RASAL2: variants seen among roughly 807,000 people sequenced by gnomAD.
The protein encoded by RASAL2 is ras GTPase-activating protein nGAP.
In RASAL2, 58 loss-of-function variants were observed where a neutral mutation model predicts 128.9. The observed-to-expected ratio is 0.45, with a 90% CI of 0.36 to 0.56. The LOEUF (loss-of-function observed/expected upper bound fraction) is 0.56, where lower values mean the gene tolerates loss of function less well. Among genes scored for constraint, RASAL2 ranks in the 20% least tolerant of loss-of-function variants. The pLI, the probability that RASAL2 is intolerant of heterozygous loss-of-function variation, is 0.00. For missense variants in RASAL2, 1,360 were observed against 1,601.6 expected, an observed-to-expected ratio of 0.85 and a Z score of 2.57; for synonymous variants, 561 against 580.8, an observed-to-expected ratio of 0.97 and a Z score of 0.49.
chr1:178,238,159 A>G (rs1664337010), intron 1 of RASAL2, among the ~76,000 whole-genome samples: 1 of 152,218 alleles, frequency 6.6e-6, no homozygotes, highest in Non-Finnish European at 1.5e-5. Context: ...TAGATGCTAT[A>G]TAAATGGAAT....
chr1:178,307,226 C>T (rs1365316728), intron 3 of RASAL2, among the ~76,000 whole-genome samples: 2 of 151,774 alleles, frequency 1.3e-5, no homozygotes, highest in Non-Finnish European at 2.9e-5. Context: ...AAGCAATGTG[C>T]ATTTCTTTCA....
chr1:178,260,415 T>A (rs1665641323), intron 1 of RASAL2, among the ~76,000 whole-genome samples: 1 of 90,936 alleles, frequency 1.1e-5, no homozygotes, highest in Non-Finnish European at 2.2e-5. Flanking sequence ...TATATATATA[T>A]GATAATAATT....
At chr1:178,226,229 A>G (rs1558125227) in intron 1 of RASAL2, among the ~76,000 whole-genome samples, 1 of 152,170 alleles carries the variant, frequency 6.6e-6, no homozygotes, top group Non-Finnish European at 1.5e-5. Flanking sequence ...TCATTCACAC[A>G]TTATAATGTG....
intron 1 of RASAL2, among the ~76,000 whole-genome samples, chr1:178,206,311 A>G (rs893159748): frequency 1.3e-5 from 2 of 152,180 alleles, no homozygotes; most frequent in East Asian, 1.9e-4. Context: ...CTTCCCATCC[A>G]CTACCAGATC....
chr1:178,160,087 A>G (rs931325539), intron 1 of RASAL2, among the ~76,000 whole-genome samples: 2 of 151,436 alleles, frequency 1.3e-5, no homozygotes, highest in Non-Finnish European at 2.9e-5. Context: ...TCTAGGGTAC[A>G]TGTGCACAAC....
chr1:178,408,452 CA>C (rs768253690), intron 4 of RASAL2, among the ~76,000 whole-genome samples: 1 of 152,044 alleles, frequency 6.6e-6, no homozygotes, highest in Non-Finnish European at 1.5e-5. Flanking sequence ...ACCACAGAAT[CA>C]GTTACATATA....
intron 4 of RASAL2, among the ~76,000 whole-genome samples, chr1:178,412,468 C>A (rs963480205): frequency 6.6e-6 from 1 of 152,122 alleles, no homozygotes; most frequent in Admixed American, 6.5e-5. Flanking sequence ...GAAACCATTT[C>A]TCAGGTTAAA....
intron 1 of RASAL2, among the ~76,000 whole-genome samples, chr1:178,237,443 A>G (rs1664302823): frequency 6.6e-6 from 1 of 152,184 alleles, no homozygotes; most frequent in African/African-American, 2.4e-5. Context: ...CTAGGGATAT[A>G]GTGGGAGAGT....
At chr1:178,277,164 A>C (rs1024738530) in intron 1 of RASAL2, among the ~76,000 whole-genome samples, 2 of 151,394 alleles carry the variant, frequency 1.3e-5, no homozygotes, top group Admixed American at 6.7e-5. Context: ...AAAAAAAAAA[A>C]AAAAAACCAA....
chr1:178,369,976 A>C (rs1193349674), intron 3 of RASAL2, among the ~76,000 whole-genome samples: 1 of 152,176 alleles, frequency 6.6e-6, no homozygotes, highest in Non-Finnish European at 1.5e-5. Context: ...GAAGACCTGG[A>C]GAGGTGACAT....
intron 2 of RASAL2, among the ~76,000 whole-genome samples, chr1:178,291,318 G>A (rs547659656): frequency 7.2e-5 from 11 of 152,172 alleles, no homozygotes; most frequent in Non-Finnish European, 1.3e-4. Flanking sequence ...ATTTTATTCC[G>A]GAAATGATCT....
Position 178,476,324 on chromosome 1 carries a change from C to A in RASAL2, c.*3085C>A, listed in dbSNP as rs1648670179. 1 of 152,174 alleles carries A rather than the reference C, an allele frequency of 6.6e-6. No individual in the cohort carries two copies. The highest frequency in any genetic ancestry group is 1.5e-5 in the Non-Finnish European group (1 of 68,028). 9.4% of individuals were successfully genotyped at this position (152,174 alleles called of 1,614,324 possible). A position where few individuals can be genotyped will look rare whatever the true frequency, so the allele number is the denominator to read the frequency against. On this transcript the variant is annotated 3_prime_UTR_variant, in exon 18 of 18. Transcript: ENST00000367649. Reference sequence around the variant, plus strand: ...CCTTTTATATTACTGAAGCAATAAGCAATCTGAGCTGAAGCAGCAAAAAGA... The same window carrying A: ...CCTTTTATATTACTGAAGCAATAAGAAATCTGAGCTGAAGCAGCAAAAAGA...
intron 4 of RASAL2, among the ~76,000 whole-genome samples, chr1:178,415,117 AT>A (rs1674672067): frequency 6.6e-6 from 1 of 151,762 alleles, no homozygotes; most frequent in Non-Finnish European, 1.5e-5. Flanking sequence ...TTTGGATTTA[AT>A]TTGCTCTTTT....
chr1:178,451,743 A>AT (rs764405849), intron 10 of RASAL2, 28 bp downstream of exon 10: 67 of 1,601,116 alleles, frequency 4.2e-5, no homozygotes, highest in Non-Finnish European at 5.5e-5. Context: ...TCTGCCTTAC[A>AT]TTTTTTCATG....
chr1:178,171,173 A>C (rs568185892), intron 1 of RASAL2, among the ~76,000 whole-genome samples: 3 of 151,870 alleles, frequency 2.0e-5, no homozygotes, highest in Non-Finnish European at 4.4e-5. Flanking sequence ...AGTAATTTCT[A>C]CTCCTTAAGA....
chr1:178,109,007 T>C (rs1659199450), intron 1 of RASAL2, among the ~76,000 whole-genome samples: 1 of 152,206 alleles, frequency 6.6e-6, no homozygotes, highest in Non-Finnish European at 1.5e-5. Context: ...AGCATGTCTT[T>C]CTATGCCTAT....
chr1:178,445,711 A>T lies in RASAL2; in HGVS notation c.1627+49A>T. 4 of 1,539,686 alleles carry T rather than the reference A, an allele frequency of 2.6e-6. No individual in the cohort carries two copies. In the South Asian group the frequency reaches 5.1e-5, roughly 19 times the overall value. On this transcript the variant is annotated intron_variant, in intron 9 of 17. Coordinates refer to ENST00000367649, the MANE Select transcript of RASAL2 (RefSeq NM_170692.4). ...TTTCTTTTATTTACTTTTCAGTTTT[A>T]AGCTATTTCACCCCCATGAGACGAA...
At chr1:178,297,042 GA>G (rs967498397) in intron 2 of RASAL2, among the ~76,000 whole-genome samples, 17 of 146,824 alleles carry the variant, frequency 1.2e-4, no homozygotes, top group East Asian at 5.9e-4. Context: ...GGGCAGAGAA[GA>G]AAAAAAAACA....
At chr1:178,374,982 C>T (rs961198462) in intron 3 of RASAL2, among the ~76,000 whole-genome samples, 40 of 152,020 alleles carry the variant, frequency 2.6e-4, no homozygotes, top group South Asian at 4.1e-4. Context: ...ACATGAACTA[C>T]GCACAAGTTA....
Sources: gnomAD v4.1 joint callset for allele counts (sites outside exome capture counted in the v4.1 genomes callset) on GRCh38, gnomAD v4.1.1 for gene constraint, MANE v1.5 for transcripts, NCBI Gene and HGNC (gene_info 2026-07-23, HGNC 2026-07-21) for gene names.